Variants in ZNF69 observed in about 807,000 individuals in gnomAD.
ZNF69 encodes the protein zinc finger protein 69, also known as ZNF3.
A neutral mutation model predicts 50.9 loss-of-function variants in ZNF69; 47 were observed. The observed-to-expected ratio is 0.92, with a 90% confidence interval of 0.73 to 1.18. ZNF69 has a LOEUF of 1.18. ZNF69 is among the 50% of genes most tolerant of loss of function. The probability of loss-of-function intolerance (pLI) is 0.00; values close to 1 mark genes in which losing one functional copy is unlikely to be tolerated. For missense variants in ZNF69, 717 were observed against 675.1 expected (o/e 1.06, Z -0.69); for synonymous variants, 216 against 223.1 (o/e 0.97, Z 0.29).
At chr19:11,913,533 CAT>C in exon 5 of ZNF69, 1 of 403,278 alleles carries the variant, frequency 2.5e-6, no homozygotes, top group Non-Finnish European at 4.6e-6. Context: ...GGACTACAGG[CAT>C]GCACCACCAC....
At chr19:11,925,211 A>C in the ZNF69 span, 1 of 1,612,448 alleles carries the variant, frequency 6.2e-7, no homozygotes, top group Non-Finnish European at 8.5e-7. Flanking sequence ...CGCCTGCGCT[A>C]TGCCCTGCTG....
At chr19:11,941,646 C>T in the ZNF69 span, among the ~76,000 whole-genome samples, 3,056 of 152,290 alleles carry the variant, frequency 0.02, 122 homozygotes, top group African/African-American at 0.069. Flanking sequence ...GCAAGCGCCG[C>T]GCGCAGCCCC....
the ZNF69 span, among the ~76,000 whole-genome samples, chr19:11,963,973 A>T: frequency 6.6e-6 from 1 of 152,258 alleles, no homozygotes. Context: ...CCCATTTTAT[A>T]CATAAACATA....
At chr19:11,979,110 A>C in the ZNF69 span, 3 of 1,613,492 alleles carry the variant, frequency 1.9e-6, no homozygotes, top group African/African-American at 4.0e-5. Context: ...GACCTTATAA[A>C]TGTTAGATAT....
At chr19:11,913,268 A>G in intron 4 of ZNF69, 4 of 447,994 alleles carry the variant, frequency 8.9e-6, no homozygotes, top group East Asian at 7.2e-5. Context: ...TTAAATTGTT[A>G]TTATTTGGAC....
chr19:11,898,377 C>A (rs1599350709), intron 1 of ZNF69, among the ~76,000 whole-genome samples: 1 of 145,382 alleles, frequency 6.9e-6, no homozygotes, highest in African/African-American at 2.5e-5. Flanking sequence ...GCTCATAGTT[C>A]CTCCTGGCTT....
At chr19:11,897,575 A>G (rs1972152227) in intron 1 of ZNF69, among the ~76,000 whole-genome samples, 1 of 139,036 alleles carries the variant, frequency 7.2e-6, no homozygotes, top group Non-Finnish European at 1.6e-5. Context: ...ACCCTGTTTG[A>G]AAAAAAAAAA....
chr19:11,925,791 AAAG>A, the ZNF69 span, among the ~76,000 whole-genome samples: 1 of 152,242 alleles, frequency 6.6e-6, no homozygotes. Context: ...TATGTAAAAT[AAAG>A]AAGTTTATTC....
At chr19:11,950,469 C>CA in the ZNF69 span, 1 of 690,226 alleles carries the variant, frequency 1.4e-6, no homozygotes, top group Non-Finnish European at 2.6e-6. Context: ...GAGAGAAACC[C>CA]TATGAGTGTA....
the ZNF69 span, among the ~76,000 whole-genome samples, chr19:11,938,560 G>A: frequency 6.6e-6 from 1 of 152,178 alleles, no homozygotes; most frequent in Non-Finnish European, 1.5e-5. Flanking sequence ...CAAAGGACAT[G>A]AACTCATCCT....
downstream of ZNF69, among the ~76,000 whole-genome samples, chr19:11,918,706 C>G (rs1041379124): frequency 6.6e-6 from 1 of 152,018 alleles, no homozygotes; most frequent in African/African-American, 2.4e-5. Context: ...CCTCTTGCCT[C>G]GGCCTCCCAA....
intron 1 of ZNF69, among the ~76,000 whole-genome samples, chr19:11,901,188 A>G (rs1972236121): frequency 6.6e-6 from 1 of 152,190 alleles, no homozygotes; most frequent in South Asian, 2.1e-4. Flanking sequence ...TTGCATTTTT[A>G]GTACATGTCT....
chr19:11,901,973 AT>A (rs1972253823), intron 1 of ZNF69, among the ~76,000 whole-genome samples: 2 of 114,926 alleles, frequency 1.7e-5, no homozygotes, highest in Non-Finnish European at 3.7e-5. Context: ...CCAAGATGTT[AT>A]TTTCTTTTTT....
At chr19:11,933,525 C>T in the ZNF69 span, among the ~76,000 whole-genome samples, 2 of 147,596 alleles carry the variant, frequency 1.4e-5, no homozygotes, top group Non-Finnish European at 2.9e-5. Flanking sequence ...CATAGCTCTC[C>T]CCTCCCTCTT....
the ZNF69 span, among the ~76,000 whole-genome samples, chr19:11,963,704 G>C: frequency 2.8e-4 from 43 of 152,060 alleles, no homozygotes; most frequent in Admixed American, 3.9e-4. Context: ...GAAACCGCCC[G>C]ACTCTCTTCT....
chr19:11,908,074 A>T (rs182081330), downstream of ZNF69, among the ~76,000 whole-genome samples: 1 of 152,304 alleles, frequency 6.6e-6, no homozygotes, highest in East Asian at 1.9e-4. Context: ...CAAAAGAGAC[A>T]AGGCCATTAC....
chr19:11,901,799 TATC>T (rs1972249525), intron 1 of ZNF69, among the ~76,000 whole-genome samples: 1 of 151,448 alleles, frequency 6.6e-6, no homozygotes, highest in African/African-American at 2.4e-5. Context: ...CATGATTTGT[TATC>T]ATTACTTATC....
At chr19:11,925,534 T>G in the ZNF69 span, among the ~76,000 whole-genome samples, 19 of 152,198 alleles carry the variant, frequency 1.2e-4, no homozygotes, top group South Asian at 3.7e-3. Flanking sequence ...GCAGTTCCGC[T>G]CCCGCAGCCC....
At chr19:11,919,075 T>G (rs1326565613), downstream of ZNF69, among the ~76,000 whole-genome samples, 1 of 152,082 alleles carries the variant, frequency 6.6e-6, no homozygotes, top group African/African-American at 2.4e-5. Context: ...TTTTGTATTT[T>G]TAGTAGAGAC....
Sources: allele counts gnomAD v4.1 joint callset (sites outside exome capture counted in the v4.1 genomes callset), GRCh38; gene constraint gnomAD v4.1.1; transcripts MANE v1.5; gene names NCBI Gene and HGNC (gene_info 2026-07-23, HGNC 2026-07-21).